OVCH2: variants seen among roughly 807,000 people sequenced by gnomAD.
The protein encoded by OVCH2 is ovochymase 2.
Under a neutral mutation model 73.7 loss-of-function variants are expected in OVCH2, and 88 were observed. The observed-to-expected ratio is 1.19, with a 90% confidence interval of 1.01 to 1.43. OVCH2 has a LOEUF of 1.43. Ranked by LOEUF, OVCH2 falls within the 40% of genes most tolerant of loss-of-function variation. OVCH2 has a pLI of 0.00. For synonymous variants in OVCH2, 265 were observed against 234.5 expected, an observed-to-expected ratio of 1.13 and a Z score of -1.19; for missense variants, 706 against 674.5, an observed-to-expected ratio of 1.05 and a Z score of -0.52.
In OVCH2 at chr11:7,702,297, CCAGCAGTAA is replaced by C. The variant is rs1565171036; in HGVS notation, c.314_322del (p.Val105_Ala107del). 1 of 1,600,428 alleles carries C rather than the reference CCAGCAGTAA, an allele frequency of 6.2e-7. No homozygotes were observed. The highest frequency in any genetic ancestry group is 1.1e-5 in the South Asian group (1 of 88,156). On this transcript the variant is annotated inframe_deletion, in exon 4 of 16. Coordinates refer to ENST00000533663, the MANE Select transcript of OVCH2 (RefSeq NM_198185.7). ...GTCTGTCTGGCTTAAGTCATACTCT[CCAGCAGTAA>C]CATTCAAAGTAGACACAATGTTTCT...
chr11:7,695,531 A>T (rs758476541), intron 11 of OVCH2, 39 bp downstream of exon 11: 1 of 1,566,272 alleles, frequency 6.4e-7, no homozygotes, highest in South Asian at 1.1e-5. Flanking sequence ...CTTCTACAGA[A>T]GGTGGAGATA....
chr11:7,701,512 CTT>C lies in OVCH2; in HGVS notation c.560-39_560-38del, dbSNP rs556446395. On this transcript the variant is annotated intron_variant, in intron 5 of 15. Coordinates refer to ENST00000533663, the MANE Select transcript of OVCH2 (RefSeq NM_198185.7). ...AGAGATGGAAGCCCCAGCAGGAACT[CTT>C]TCACCCTTTCTGAGTTGAAGATGCA... The C allele has an allele frequency of 5.0e-5, 80 of 1,592,070 alleles. No homozygotes were observed. In the South Asian group the frequency reaches 8.6e-4, roughly 17 times the overall value.
chr11:7,691,673 C>G (rs900299918), intron 13 of OVCH2, among the ~76,000 whole-genome samples: 3 of 152,180 alleles, frequency 2.0e-5, no homozygotes, highest in Admixed American at 1.3e-4. Flanking sequence ...CTTTCTGACT[C>G]CTAGTTTCCT....
At chr11:7,691,871 C>T (rs74054130) in intron 13 of OVCH2, 31 bp downstream of exon 13, 87,630 of 1,518,856 alleles carry the variant, frequency 0.058, 3,145 homozygotes, top group African/African-American at 0.16. Context: ...AAACACAAAC[C>T]AGAGCGAGCT....
the OVCH2 span, among the ~76,000 whole-genome samples, chr11:7,682,334 C>T: frequency 2.6e-5 from 4 of 152,190 alleles, no homozygotes; most frequent in South Asian, 4.1e-4. Flanking sequence ...CCAGCAAATG[C>T]ATAAATAACA....
chr11:7,703,385 TA>T (rs1856479009), intron 3 of OVCH2, among the ~76,000 whole-genome samples: 3 of 152,210 alleles, frequency 2.0e-5, no homozygotes, highest in Admixed American at 2.0e-4. Context: ...CACTGAAATT[TA>T]AGAAAACTAG....
chr11:7,692,010 A>T lies in OVCH2; in HGVS notation c.1414-15T>A. On this transcript the variant is annotated splice_polypyrimidine_tract_variant and intron_variant, in intron 12 of 15. Coordinates refer to ENST00000533663, the MANE Select transcript of OVCH2 (RefSeq NM_198185.7). ...TGAAATGAAAGCTGAGAAGACACGA[A>T]GTTACATCCAGAGTAAACAATCTGA... The T allele has an allele frequency of 6.6e-7, 1 of 1,524,106 alleles. No individual in the cohort carries two copies. Among genetic ancestry groups the T allele is most frequent in the Admixed American group, 1.9e-5 (1 of 51,568 alleles). The allele number at this position is 1,524,106 out of a possible 1,614,324, so 94.4% of individuals were successfully genotyped here.
chr11:7,695,967 T>TCATTC lies in OVCH2; in HGVS notation c.1142-262_1142-258dup, dbSNP rs1856324709. 3.9e-5 allele frequency among the ~76,000 whole-genome samples: 6 copies of TCATTC among 152,196 alleles called. No individual in the cohort carries two copies. The South Asian group carries it at 1.2e-3, about 32-fold the overall frequency. Reference sequence around the variant, plus strand: ...CCTTGTGACAACTGAAAAATGCTTCTCATTCATTGCCAAATGTGTCCTGAG... The same window carrying TCATTC: ...CCTTGTGACAACTGAAAAATGCTTCTCATTCCATTCATTGCCAAATGTGTCCTGAG... On this transcript the variant is annotated intron_variant, in intron 10 of 15. Transcript: ENST00000533663.
intron 2 of OVCH2, among the ~76,000 whole-genome samples, chr11:7,704,011 G>A (rs1162958663): frequency 6.6e-6 from 1 of 152,234 alleles, no homozygotes; most frequent in African/African-American, 2.4e-5. Flanking sequence ...ATGACTGGCT[G>A]TAAGTATGTG....
intron 9 of OVCH2, 48 bp downstream of exon 9, chr11:7,696,661 A>G: frequency 6.2e-7 from 1 of 1,613,946 alleles, no homozygotes; most frequent in Non-Finnish European, 8.5e-7. Flanking sequence ...TGGTGGGCCC[A>G]GACCGGAGGT....
the OVCH2 span, among the ~76,000 whole-genome samples, chr11:7,683,711 G>T: frequency 5.3e-5 from 8 of 152,122 alleles, no homozygotes; most frequent in African/African-American, 1.9e-4. Flanking sequence ...CCATGCTCAT[G>T]ACTCTCCAGA....
At chr11:7,681,485 A>C in the OVCH2 span, among the ~76,000 whole-genome samples, 1 of 152,184 alleles carries the variant, frequency 6.6e-6, no homozygotes, top group African/African-American at 2.4e-5. Flanking sequence ...GAGTGGTCAG[A>C]ATTTGCTAGA....
intron 12 of OVCH2, among the ~76,000 whole-genome samples, chr11:7,692,893 T>C (rs770618637): frequency 6.6e-6 from 1 of 152,242 alleles, no homozygotes; most frequent in Non-Finnish European, 1.5e-5. Context: ...TTCATTTATC[T>C]CTATCCTTGA....
At chr11:7,691,111 T>C (rs1856211146) in intron 14 of OVCH2, 158 bp downstream of exon 14, 19 of 907,400 alleles carry the variant, frequency 2.1e-5, no homozygotes, top group South Asian at 1.6e-4. Context: ...GAGGGATGGC[T>C]GAGTATTCTC....
intron 1 of OVCH2, chr11:7,705,789 G>C (rs1446706158): frequency 6.6e-6 from 1 of 152,232 alleles, no homozygotes. Context: ...GTAAAGCAAA[G>C]TCAGAAAACA....
At chr11:7,683,213 AAATG>A in the OVCH2 span, among the ~76,000 whole-genome samples, 1 of 152,202 alleles carries the variant, frequency 6.6e-6, no homozygotes, top group Non-Finnish European at 1.5e-5. Context: ...ATATCCTTTT[AAATG>A]AATAGGCAAA....
Position 7,696,529 on chromosome 11 carries a change from G to T in OVCH2, c.1077C>A (p.His359Gln), listed in dbSNP as rs762037887. Residue 359 changes from histidine (H) to glutamine (Q), a missense_variant, in exon 10 of 16, where the codon CAC (histidine) becomes CAA (glutamine). Transcript: ENST00000533663. ...EEMHVLLSFS[H>Q]LDVESCHHSY... ...TGTGGTGACAAGACTCAACATCTAG[G>T]TGGGAAAAACTGAGCAACACATGCA... 1 of 1,613,976 alleles carries T rather than the reference G, an allele frequency of 6.2e-7. No individual in the cohort carries two copies. The highest frequency in any genetic ancestry group is 8.5e-7 in the Non-Finnish European group (1 of 1,179,876).
At chr11:7,690,743 C>T (rs1461649986) in intron 14 of OVCH2, among the ~76,000 whole-genome samples, 1 of 152,082 alleles carries the variant, frequency 6.6e-6, no homozygotes, top group South Asian at 2.1e-4. Flanking sequence ...ATCCTATAAA[C>T]AAATGTCCTT....
chr11:7,684,182 C>T, the OVCH2 span, among the ~76,000 whole-genome samples: 2 of 152,044 alleles, frequency 1.3e-5, no homozygotes, highest in African/African-American at 4.8e-5. Context: ...AATGCCTGAC[C>T]TTTCTTGACC....
Sources: gnomAD v4.1 joint callset for allele counts (sites outside exome capture counted in the v4.1 genomes callset) on GRCh38, gnomAD v4.1.1 for gene constraint, MANE v1.5 for transcripts, NCBI Gene and HGNC (gene_info 2026-07-23, HGNC 2026-07-21) for gene names.